Variants in SLC12A4 observed in about 807,000 individuals in gnomAD.
SLC12A4 encodes the protein electroneutral potassium-chloride cotransporter 1.
A neutral mutation model predicts 119.2 loss-of-function variants in SLC12A4; 84 were observed. That is an observed-to-expected ratio of 0.70 (90% confidence interval 0.59 to 0.85). The LOEUF is 0.85. SLC12A4 is among the 40% of genes least tolerant of loss of function. The pLI is 0.00. For missense variants in SLC12A4, 1,298 were observed against 1,476.3 expected, an observed-to-expected ratio of 0.88 and a Z score of 1.98; for synonymous variants, 599 against 604.6, an observed-to-expected ratio of 0.99 and a Z score of 0.14.
At chr16:67,955,447 C>T (rs903520681) in intron 5 of SLC12A4, among the ~76,000 whole-genome samples, 2 of 152,212 alleles carry the variant, frequency 1.3e-5, no homozygotes, top group Non-Finnish European at 2.9e-5. Flanking sequence ...CTTGGCTGGG[C>T]GTGGTGGCTC....
intron 1 of SLC12A4, chr16:67,963,915 G>C: frequency 6.4e-7 from 1 of 1,551,186 alleles, no homozygotes; most frequent in Non-Finnish European, 8.7e-7. Flanking sequence ...TCCCTTTCCC[G>C]GTCTTTCCGG....
At position 67,952,694 on chromosome 16, in the gene SLC12A4, C is replaced by G. The variant is rs1026894889; in HGVS notation, c.676-269G>C. 3.8e-4 allele frequency among the ~76,000 whole-genome samples: 58 copies of G among 151,782 alleles called. 2 individuals are homozygous for G. Among genetic ancestry groups the G allele is most frequent in the Non-Finnish European group, 1.3e-4 (9 of 67,988 alleles). ...TAATCCCAGCAACTGGAGGCTGAGG[C>G]AGGAGGATCGCCTGAATCCAGGAAG... is the stretch of plus-strand genomic sequence containing the variant. On this transcript the variant is annotated intron_variant, in intron 6 of 23. Coordinates refer to ENST00000316341, the MANE Select transcript of SLC12A4 (RefSeq NM_005072.5).
chr16:67,953,674 C>A (rs756115377), intron 6 of SLC12A4, among the ~76,000 whole-genome samples: 15 of 152,108 alleles, frequency 9.9e-5, no homozygotes, highest in Non-Finnish European at 1.9e-4. Context: ...ATGGGAATTG[C>A]ATGGTATGTA....
intron 5 of SLC12A4, among the ~76,000 whole-genome samples, chr16:67,955,505 T>C (rs538247476): frequency 6.6e-6 from 1 of 152,268 alleles, no homozygotes; most frequent in African/African-American, 2.4e-5. Flanking sequence ...GTGGATTGCT[T>C]GAGCTCAGGA....
chr16:67,948,066 A>G lies in SLC12A4; in HGVS notation c.1842T>C (p.Tyr614=), dbSNP rs1338013699. The change falls in exon 14 of 24, where the codon TAT becomes TAC. Residue 614 remains tyrosine, a synonymous_variant. Transcript: ENST00000316341. ...GTGTCAGAGGCATGGCTCACCAGTG[A>G]TAGTACTTGAACCGGGGCCGCCAGT... ...TPNWRPRFKY[Y]HWALSFLGMS... 5 of 1,612,912 alleles carry G rather than the reference A, an allele frequency of 3.1e-6. No homozygotes were observed. The highest frequency in any genetic ancestry group is 4.2e-6 in the Non-Finnish European group (5 of 1,179,906).
At chr16:67,957,187 T>G (rs2030311237) in intron 5 of SLC12A4, among the ~76,000 whole-genome samples, 1 of 147,902 alleles carries the variant, frequency 6.8e-6, no homozygotes, top group South Asian at 2.1e-4. Flanking sequence ...TTTTTTTTTT[T>G]GCGACGGAGT....
Position 67,963,453 on chromosome 16 carries a change from C to T in SLC12A4, c.210+12G>A. 3.2e-6 allele frequency: 5 copies of T among 1,558,808 alleles called. No individual in the cohort carries two copies. The highest frequency in any genetic ancestry group is 3.4e-6 in the Non-Finnish European group (4 of 1,160,884). On this transcript the variant is annotated intron_variant, in intron 2 of 23. Transcript: ENST00000316341. Reference sequence around the variant, plus strand: ...GTGCCAAACCTGTGGCCCAAAATGGCTCCTCAGCTACCTCAAACAGTGCCA... The same window carrying T: ...GTGCCAAACCTGTGGCCCAAAATGGTTCCTCAGCTACCTCAAACAGTGCCA...
intron 17 of SLC12A4, 97 bp from the exon 18 acceptor site, chr16:67,946,730 G>A (rs772864522): frequency 4.2e-5 from 60 of 1,420,522 alleles, no homozygotes; most frequent in Non-Finnish European, 5.3e-5. Flanking sequence ...CTTTTGGGTG[G>A]AGGAGGGCCT....
In SLC12A4 at chr16:67,954,095, G is replaced by C. The variant is rs906967159; in HGVS notation, c.675+548C>G. 1.4e-4 allele frequency: 52 copies of C among 384,866 alleles called. 2 individuals are homozygous for C. The Admixed American group carries it at 1.6e-3, about 12-fold the overall frequency. 23.8% of individuals were successfully genotyped at this position (384,866 alleles called of 1,614,324 possible). On this transcript the variant is annotated intron_variant, in intron 6 of 23. Coordinates refer to ENST00000316341, the MANE Select transcript of SLC12A4 (RefSeq NM_005072.5). Reference sequence around the variant, plus strand: ...CACCTGTCACCCCATGCCTCCCGCAGCTCCTTGCCTCTTCTCCCACTGGTA... The same window carrying C: ...CACCTGTCACCCCATGCCTCCCGCACCTCCTTGCCTCTTCTCCCACTGGTA...
At chr16:67,945,701 G>C in intron 21 of SLC12A4, 63 bp downstream of exon 21, 1 of 1,535,892 alleles carries the variant, frequency 6.5e-7, no homozygotes, top group Non-Finnish European at 8.9e-7. Flanking sequence ...CGCACCCACC[G>C]ATGCGGTCTC....
At chr16:67,965,424 A>G (rs2030820925) in intron 1 of SLC12A4, among the ~76,000 whole-genome samples, 1 of 152,194 alleles carries the variant, frequency 6.6e-6, no homozygotes, top group African/African-American at 2.4e-5. Context: ...TCTCCAAGCT[A>G]AATTTACTCT....
At chr16:67,953,016 T>TGAA (rs1228679416) in intron 6 of SLC12A4, among the ~76,000 whole-genome samples, 4 of 151,142 alleles carry the variant, frequency 2.6e-5, no homozygotes, top group African/African-American at 7.3e-5. Context: ...GAGAATCACT[T>TGAA]CAGTCTCGGA....
At chr16:67,956,322 T>C (rs2030257877) in intron 5 of SLC12A4, among the ~76,000 whole-genome samples, 1 of 152,164 alleles carries the variant, frequency 6.6e-6, no homozygotes, top group Non-Finnish European at 1.5e-5. Flanking sequence ...GGTGAAAAAG[T>C]GGAACCCACA....
Position 67,957,939 on chromosome 16 carries a change from CA to C in SLC12A4, c.447del (p.Val150CysfsTer17). Reference sequence around the variant, plus strand: ...AGCACGATGAGGAGGGCCTGTAGCACACCTGCTGTGCCCACCATCCAGGTCA... The same window carrying C: ...AGCACGATGAGGAGGGCCTGTAGCACCCTGCTGTGCCCACCATCCAGGTCA... ...LRLTWMVGTA[G>X]VLQALLIVLI... On this transcript the variant is annotated frameshift_variant, in exon 4 of 24. Coordinates refer to ENST00000316341, the MANE Select transcript of SLC12A4 (RefSeq NM_005072.5). LOFTEE classifies it high-confidence loss of function. The C allele has an allele frequency of 6.2e-7, 1 of 1,614,218 alleles. No individual in the cohort carries two copies. Among genetic ancestry groups the C allele is most frequent in the Non-Finnish European group, 8.5e-7 (1 of 1,180,034 alleles).
rs2151321661 is a variant in SLC12A4, at chr16:67,943,600, C to T, written c.*1240G>A. 2.0e-6 allele frequency: 1 copy of T among 507,356 alleles called. No homozygotes were observed. The highest frequency in any genetic ancestry group is 2.2e-5 in the South Asian group (1 of 45,166). The allele number at this position is 507,356 out of a possible 1,614,324, so 31.4% of individuals were successfully genotyped here. A position where few individuals can be genotyped will look rare whatever the true frequency, so the allele number is the denominator to read the frequency against. Reference sequence around the variant, plus strand: ...TCCTGCTCACCGATCCTGGGCTGGGCATCTTGTCCTTGGTGGGTGGGGGCC... The same window carrying T: ...TCCTGCTCACCGATCCTGGGCTGGGTATCTTGTCCTTGGTGGGTGGGGGCC... On this transcript the variant is annotated 3_prime_UTR_variant, in exon 24 of 24. Transcript: ENST00000316341. The surrounding 1 kb of genome is among the most constrained non-coding windows in gnomAD (Gnocchi z 4.6).
rs200953653 is a variant in SLC12A4, at chr16:67,948,052, A to G, written c.1847+9T>C. 7.4e-6 allele frequency: 12 copies of G among 1,612,842 alleles called. No individual in the cohort carries two copies. Among genetic ancestry groups the G allele is most frequent in the East Asian group, 2.2e-5 (1 of 44,876 alleles). On this transcript the variant is annotated intron_variant, in intron 14 of 23. Transcript: ENST00000316341. ...CCCCAGGGTCTCCCGTGTCAGAGGC[A>G]TGGCTCACCAGTGATAGTACTTGAA... is the stretch of plus-strand genomic sequence containing the variant.
intron 6 of SLC12A4, chr16:67,954,157 A>G (rs763293983): frequency 2.4e-6 from 1 of 409,420 alleles, no homozygotes; most frequent in South Asian, 1.7e-5. Flanking sequence ...TGAGGCTGAC[A>G]GAGCTCCCAT....
chr16:67,963,311 G>A (rs935625284), intron 2 of SLC12A4, 154 bp downstream of exon 2: 1 of 471,772 alleles, frequency 2.1e-6, no homozygotes, highest in Non-Finnish European at 3.7e-6. Flanking sequence ...AGTTGAAAGG[G>A]CCAAGGGAAC....
In SLC12A4 at chr16:67,950,157, G is replaced by C. The variant is rs1245662170; in HGVS notation, c.1629+162C>G. ...TCCAGGCAGCTCCAGGCCCAGGTGA[G>C]TGCCAGGCCCAGGGCACTTCTCAGT... is the stretch of plus-strand genomic sequence containing the variant. On this transcript the variant is annotated intron_variant, in intron 12 of 23. Transcript: ENST00000316341. The surrounding 1 kb of genome is among the most constrained non-coding windows in gnomAD (Gnocchi z 4.3). 2 of 835,176 alleles carry C rather than the reference G, an allele frequency of 2.4e-6. No homozygotes were observed. The highest frequency in any genetic ancestry group is 3.7e-6 in the Non-Finnish European group (2 of 545,782). The allele number at this position is 835,176 out of a possible 1,614,324, so 51.7% of individuals were successfully genotyped here. A position where few individuals can be genotyped will look rare whatever the true frequency, so the allele number is the denominator to read the frequency against.
Sources: gnomAD v4.1 joint callset for allele counts (sites outside exome capture counted in the v4.1 genomes callset) on GRCh38, gnomAD v4.1.1 for gene constraint, Gnocchi (gnomAD v3.1) non-coding constraint, MANE v1.5 for transcripts, NCBI Gene and HGNC (gene_info 2026-07-23, HGNC 2026-07-21) for gene names.